The following SAMD5 variants were observed in gnomAD, a reference collection of about 807,000 sequenced individuals.
SAMD5 encodes sterile alpha motif domain containing 5, also known as sterile alpha motif domain-containing protein 5.
SAMD5 carries 13 observed loss-of-function variants against 11.3 expected under a neutral mutation model. That is an observed-to-expected ratio of 1.15 (90% confidence interval 0.75 to 1.83). SAMD5 has a LOEUF of 1.83. Among genes scored for constraint, SAMD5 ranks in the 40% most tolerant of loss-of-function variants. The pLI is 0.00. For missense variants in SAMD5, 255 were observed against 239.1 expected, an observed-to-expected ratio of 1.07 and a Z score of -0.44; for synonymous variants, 129 against 111.3, an observed-to-expected ratio of 1.16 and a Z score of -1.00.
At chr6:147,791,921 G>A in the SAMD5 span, among the ~76,000 whole-genome samples, 2 of 152,178 alleles carry the variant, frequency 1.3e-5, no homozygotes, top group Non-Finnish European at 2.9e-5. Context: ...GGTTATCAAG[G>A]ACTTAAGGAG....
downstream of SAMD5, among the ~76,000 whole-genome samples, chr6:147,571,860 T>C (rs1055375702): frequency 6.6e-6 from 1 of 152,208 alleles, no homozygotes; most frequent in Non-Finnish European, 1.5e-5. Flanking sequence ...TGAGCAGAGC[T>C]GTCTAAGTCA....
At chr6:147,770,280 G>A in the SAMD5 span, among the ~76,000 whole-genome samples, 5 of 151,984 alleles carry the variant, frequency 3.3e-5, no homozygotes, top group Non-Finnish European at 5.9e-5. Flanking sequence ...ATCTAGTGTC[G>A]ATTTAGATTG....
chr6:147,841,038 A>G, the SAMD5 span, among the ~76,000 whole-genome samples: 24 of 152,368 alleles, frequency 1.6e-4, no homozygotes, highest in African/African-American at 5.5e-4. Context: ...CATTCAAAAT[A>G]CATAGCACTG....
chr6:147,536,431 T>A, intron 1 of SAMD5, among the ~76,000 whole-genome samples: 1 of 152,370 alleles, frequency 6.6e-6, no homozygotes, highest in Non-Finnish European at 1.5e-5. Context: ...TTTTACTTGT[T>A]AAAAGTTGCA....
intron 1 of SAMD5, among the ~76,000 whole-genome samples, chr6:147,615,804 T>A (rs1789857847): frequency 6.6e-6 from 1 of 152,212 alleles, no homozygotes; most frequent in African/African-American, 2.4e-5. Context: ...ATGTTTGCAG[T>A]TGAGTATTTT....
the SAMD5 span, among the ~76,000 whole-genome samples, chr6:147,793,392 T>C: frequency 6.6e-6 from 1 of 152,124 alleles, no homozygotes; most frequent in Non-Finnish European, 1.5e-5. Context: ...AGGAACTTCA[T>C]GAGATGTGAT....
At chr6:147,692,593 T>G (rs1245303481) in intron 1 of SAMD5, 1 of 152,344 alleles carries the variant, frequency 6.6e-6, no homozygotes, top group South Asian at 2.1e-4. Context: ...TTACACTCAG[T>G]TGGAGAAGTG....
At chr6:147,699,088 C>T (rs565738855) in intron 1 of SAMD5, among the ~76,000 whole-genome samples, 3 of 152,024 alleles carry the variant, frequency 2.0e-5, no homozygotes, top group Non-Finnish European at 4.4e-5. Context: ...TTCTCAACAC[C>T]CCCTGGATGC....
At chr6:147,602,589 C>T (rs1789638639) in intron 1 of SAMD5, among the ~76,000 whole-genome samples, 1 of 152,076 alleles carries the variant, frequency 6.6e-6, no homozygotes, top group East Asian at 1.9e-4. Flanking sequence ...ACTAAAAATA[C>T]AAAAATTAGC....
In SAMD5 at chr6:147,658,344, C is replaced by T. The variant is rs147966095; in HGVS notation, c.163-78973C>T. On this transcript the variant is annotated intron_variant, in intron 1 of 1. Coordinates refer to the SAMD5 transcript ENST00000566741. ...ACCAAAACCAGTAGTGCCCAAGGTG[C>T]AAGCTCACAGTTAGATGTGGAATTG... is the stretch of plus-strand genomic sequence containing the variant. Among the ~76,000 whole-genome samples, 38 of 152,318 alleles carry T rather than the reference C, an allele frequency of 2.5e-4. No homozygotes were observed. In the East Asian group the frequency reaches 7.1e-3, roughly 29 times the overall value.
the SAMD5 span, among the ~76,000 whole-genome samples, chr6:147,747,487 A>G: frequency 6.6e-6 from 1 of 152,114 alleles, no homozygotes; most frequent in South Asian, 2.1e-4. Context: ...TTCTTGTAGT[A>G]ATTTTGCCAA....
At chr6:147,522,456 C>T (rs1471322461) in intron 1 of SAMD5, among the ~76,000 whole-genome samples, 1 of 151,956 alleles carries the variant, frequency 6.6e-6, no homozygotes, top group Non-Finnish European at 1.5e-5. Context: ...TAAAAATAAT[C>T]GAGAGCTTTT....
intron 1 of SAMD5, among the ~76,000 whole-genome samples, chr6:147,644,194 G>A (rs114422907): frequency 0.044 from 6,681 of 152,106 alleles, 166 homozygotes; most frequent in South Asian, 0.054. Flanking sequence ...GCTCTAATTA[G>A]AAAACTGTTT....
the SAMD5 span, among the ~76,000 whole-genome samples, chr6:147,846,960 T>G: frequency 6.6e-6 from 1 of 152,350 alleles, no homozygotes; most frequent in East Asian, 1.9e-4. Flanking sequence ...TATAAGTCCC[T>G]GTTATAAATG....
chr6:147,808,744 TTAA>T, the SAMD5 span, among the ~76,000 whole-genome samples: 1 of 152,232 alleles, frequency 6.6e-6, no homozygotes, highest in East Asian at 1.9e-4. Flanking sequence ...CATAGTTCTG[TTAA>T]TGTTATTTCA....
the SAMD5 span, among the ~76,000 whole-genome samples, chr6:147,748,601 G>T: frequency 6.6e-6 from 1 of 152,110 alleles, no homozygotes; most frequent in Non-Finnish European, 1.5e-5. Flanking sequence ...CACCTCTTTG[G>T]TTCCTCTTCT....
At chr6:147,871,705 TCCC>T in the SAMD5 span, among the ~76,000 whole-genome samples, 1 of 152,198 alleles carries the variant, frequency 6.6e-6, no homozygotes, top group Non-Finnish European at 1.5e-5. Flanking sequence ...CACTTTGTCC[TCCC>T]CTTTGTCCTA....
At chr6:147,771,899 T>C in the SAMD5 span, among the ~76,000 whole-genome samples, 1 of 152,244 alleles carries the variant, frequency 6.6e-6, no homozygotes, top group African/African-American at 2.4e-5. Flanking sequence ...CCGTGACAGC[T>C]ACATTAAAAT....
intron 1 of SAMD5, among the ~76,000 whole-genome samples, chr6:147,551,812 T>TTTTATATATA (rs368122795): frequency 3.6e-3 from 360 of 99,432 alleles, no homozygotes; most frequent in Middle Eastern, 0.029. Flanking sequence ...TATATATATG[T>TTTTATATATA]TATATATATA....
Sources: gnomAD v4.1 joint callset for allele counts (sites outside exome capture counted in the v4.1 genomes callset) on GRCh38, gnomAD v4.1.1 for gene constraint, MANE v1.5 for transcripts, NCBI Gene and HGNC (gene_info 2026-07-23, HGNC 2026-07-21) for gene names.